Variants in PLEKHG1 observed in about 807,000 individuals in gnomAD.
PLEKHG1 encodes the protein pleckstrin homology and RhoGEF domain containing G1, also known as pleckstrin homology domain-containing family G member 1.
In PLEKHG1, 44 loss-of-function variants were observed where a neutral mutation model predicts 100.8. The observed-to-expected ratio is 0.44, with a 90% CI of 0.34 to 0.56. PLEKHG1 has a LOEUF of 0.56. Among genes scored for constraint, PLEKHG1 ranks in the 20% least tolerant of loss-of-function variants. PLEKHG1 has a pLI of 0.01. For missense variants in PLEKHG1, 1,545 were observed against 1,720.9 expected (o/e 0.90, Z 1.81); for synonymous variants, 640 against 662.5 (o/e 0.97, Z 0.52).
chr6:150,821,284 A>C (rs779618473), intron 13 of PLEKHG1, 51 bp downstream of exon 14: 1 of 1,144,768 alleles, frequency 8.7e-7, no homozygotes, highest in Non-Finnish European at 1.3e-6. Flanking sequence ...TATTCACTAA[A>C]TCAAACCACA....
intron 1 of PLEKHG1, among the ~76,000 whole-genome samples, chr6:150,730,625 A>G (rs1004702136): frequency 6.6e-6 from 1 of 152,158 alleles, no homozygotes; most frequent in African/African-American, 2.4e-5. Flanking sequence ...CAACTTGGCC[A>G]GAGGCAGTGG....
At chr6:150,795,298 A>G (rs1413484174) in intron 4 of PLEKHG1, among the ~76,000 whole-genome samples, 3 of 152,008 alleles carry the variant, frequency 2.0e-5, no homozygotes, top group Non-Finnish European at 4.4e-5. Flanking sequence ...GCTGAAGCAC[A>G]AGAATTGCTT....
intron 2 of PLEKHG1, among the ~76,000 whole-genome samples, chr6:150,741,567 G>A (rs181119906): frequency 8.5e-5 from 13 of 152,292 alleles, no homozygotes; most frequent in Admixed American, 8.5e-4. Context: ...TCAGGCACTA[G>A]GCACTTAATT....
At chr6:150,694,752 A>G (rs546557909) in intron 3 of PLEKHG1, among the ~76,000 whole-genome samples, 1 of 152,100 alleles carries the variant, frequency 6.6e-6, no homozygotes, top group South Asian at 2.1e-4. Flanking sequence ...CATAGTAAGT[A>G]CTCAAAAAAT....
At chr6:150,617,955 A>G (rs1274825869) in intron 1 of PLEKHG1, among the ~76,000 whole-genome samples, 2 of 152,188 alleles carry the variant, frequency 1.3e-5, no homozygotes, top group Non-Finnish European at 2.9e-5. Context: ...AACCTACTGG[A>G]ATGGAGGTGG....
chr6:150,651,623 C>G (rs1189979198), intron 3 of PLEKHG1, among the ~76,000 whole-genome samples: 1 of 152,064 alleles, frequency 6.6e-6, no homozygotes, highest in Non-Finnish European at 1.5e-5. Flanking sequence ...CTTTGGGAGG[C>G]CAAGGTGGGC....
At chr6:150,836,476 T>C (rs546986583) in intron 15 of PLEKHG1, among the ~76,000 whole-genome samples, 1 of 152,190 alleles carries the variant, frequency 6.6e-6, no homozygotes, top group South Asian at 2.1e-4. Flanking sequence ...CCATGCTAGG[T>C]CCTCTATAGG....
intron 10 of PLEKHG1, among the ~76,000 whole-genome samples, chr6:150,817,554 ATTTTTTTT>A (rs774464059): frequency 1.7e-5 from 2 of 115,570 alleles, no homozygotes; most frequent in South Asian, 5.5e-4. Flanking sequence ...AAGAATCTGC[ATTTTTTTT>A]TTTTTTTTTT....
intron 3 of PLEKHG1, among the ~76,000 whole-genome samples, chr6:150,665,289 T>C (rs12190255): frequency 0.33 from 50,376 of 152,046 alleles, 9,237 homozygotes; most frequent in Middle Eastern, 0.47. Flanking sequence ...AAAGCTAATA[T>C]AATAGAAAAA....
chr6:150,753,375 T>C (rs1206770612), intron 2 of PLEKHG1, among the ~76,000 whole-genome samples: 1 of 152,110 alleles, frequency 6.6e-6, no homozygotes, highest in African/African-American at 2.4e-5. Context: ...AAAGCCTTTA[T>C]CTCTTTGGAT....
chr6:150,641,681 G>A (rs34751413), intron 2 of PLEKHG1, among the ~76,000 whole-genome samples: 1,707 of 152,144 alleles, frequency 0.011, 18 homozygotes, highest in Non-Finnish European at 0.017. Context: ...TCACTGTTTG[G>A]TAGTAAGTGT....
chr6:150,731,348 C>A (rs1782243633), intron 1 of PLEKHG1, among the ~76,000 whole-genome samples: 1 of 152,188 alleles, frequency 6.6e-6, no homozygotes, highest in South Asian at 2.1e-4. Flanking sequence ...AGTGGTTATG[C>A]AGATAAACTG....
rs532017945 is a variant in PLEKHG1, at chr6:150,640,861, C to T, written c.-158+2736C>T. Among the ~76,000 whole-genome samples, 21 of 152,210 alleles carry T rather than the reference C, an allele frequency of 1.4e-4. No homozygotes were observed. In the South Asian group the frequency reaches 3.1e-3, roughly 23 times the overall value. ...ACAGAGAAATGGGGTCTCCTGTGGT[C>T]TAATATTGGGGACAGATGTTAAAGA... is the stretch of plus-strand genomic sequence containing the variant. On this transcript the variant is annotated intron_variant, in intron 2 of 3. Coordinates refer to the PLEKHG1 transcript ENST00000367326.
Position 150,840,727 on chromosome 6 carries a change from C to CA in PLEKHG1, c.3995dup (p.Pro1333AlafsTer3). ...CATTCTTTGAATAGTCCGCGCACTCCAAAAAAGCCGGTTAACAGCAAACTT... is the reference window on the plus strand; with the variant it reads ...CATTCTTTGAATAGTCCGCGCACTCCAAAAAAAGCCGGTTAACAGCAAACTT... On this transcript the variant is annotated frameshift_variant, in exon 16 of 16. Transcript: ENST00000358517. LOFTEE classifies it high-confidence loss of function. The CA allele has an allele frequency of 6.2e-7, 1 of 1,614,100 alleles. No individual in the cohort carries two copies. Among genetic ancestry groups the CA allele is most frequent in the South Asian group, 1.1e-5 (1 of 91,066 alleles).
intron 2 of PLEKHG1, among the ~76,000 whole-genome samples, chr6:150,639,941 G>A (rs1778181713): frequency 6.6e-6 from 1 of 152,216 alleles, no homozygotes; most frequent in Admixed American, 6.5e-5. Flanking sequence ...AAGGGACCTC[G>A]GAGGTTTCTA....
chr6:150,627,083 AC>A (rs11344741), intron 1 of PLEKHG1, among the ~76,000 whole-genome samples: 2,676 of 152,258 alleles, frequency 0.018, 76 homozygotes, highest in African/African-American at 0.06. Flanking sequence ...TTGCTCGTGA[AC>A]CCTGTTTCAA....
At chr6:150,840,563 A>C in exon 16 of PLEKHG1, 1 of 1,614,200 alleles carries the variant, frequency 6.2e-7, no homozygotes, top group Non-Finnish European at 8.5e-7. Flanking sequence ...AGACTGATGG[A>C]GATGAAGATG....
chr6:150,746,958 T>C (rs1481526265), intron 2 of PLEKHG1, among the ~76,000 whole-genome samples: 1 of 152,262 alleles, frequency 6.6e-6, no homozygotes, highest in Non-Finnish European at 1.5e-5. Flanking sequence ...TCTCTTAGGC[T>C]TTGCTTTTAA....
intron 1 of PLEKHG1, among the ~76,000 whole-genome samples, chr6:150,606,475 G>T (rs1776606177): frequency 6.6e-6 from 1 of 152,110 alleles, no homozygotes; most frequent in Non-Finnish European, 1.5e-5. Context: ...CCCAGCTCTG[G>T]CAAGCCTCCA....
Sources: gnomAD v4.1 joint callset for allele counts (sites outside exome capture counted in the v4.1 genomes callset) on GRCh38, gnomAD v4.1.1 for gene constraint, MANE v1.5 for transcripts, NCBI Gene and HGNC (gene_info 2026-07-23, HGNC 2026-07-21) for gene names.